The following TLN2 variants were observed in gnomAD, a reference collection of about 807,000 sequenced individuals.
TLN2 encodes the protein talin 2.
A neutral mutation model predicts 294.7 loss-of-function variants in TLN2; 118 were observed. The ratio of observed to expected loss-of-function variants is 0.40; its 90% CI spans 0.34 to 0.47. The LOEUF (loss-of-function observed/expected upper bound fraction) is 0.47. TLN2 is among the 20% of genes least tolerant of loss of function. The pLI, the probability that TLN2 is intolerant of heterozygous loss-of-function variation, is 0.84. For synonymous variants in TLN2, 1,431 were observed against 1,304.5 expected, an observed-to-expected ratio of 1.10 and a Z score of -2.09; for missense variants, 3,083 against 3,282.2, an observed-to-expected ratio of 0.94 and a Z score of 1.48.
intron 3 of TLN2, among the ~76,000 whole-genome samples, chr15:62,639,414 A>G (rs1227461158): frequency 2.6e-5 from 4 of 152,136 alleles, no homozygotes; most frequent in African/African-American, 9.7e-5. Context: ...CTAAGTTCAC[A>G]CTTGTGGGGG....
rs113241981 is a variant in TLN2, at chr15:62,698,595, G to C, written c.1474-159G>C. Among the ~76,000 whole-genome samples, 664 of 152,292 alleles carry C rather than the reference G, an allele frequency of 4.4e-3. 9 individuals carry two copies. Among genetic ancestry groups the C allele is most frequent in the African/African-American group, 0.014 (573 of 41,548 alleles). On this transcript the variant is annotated intron_variant, in intron 15 of 58. Coordinates refer to ENST00000636159, the MANE Select transcript of TLN2 (RefSeq NM_015059.3). ...TAATATAATGCAGTATCTATTTCTGGCCTCCAGGTTGAAATGGGAGATGGT... is the reference window on the plus strand; with the variant it reads ...TAATATAATGCAGTATCTATTTCTGCCCTCCAGGTTGAAATGGGAGATGGT...
chr15:62,713,449 T>C (rs2059559275), intron 22 of TLN2, among the ~76,000 whole-genome samples: 1 of 151,554 alleles, frequency 6.6e-6, no homozygotes, highest in South Asian at 2.1e-4. Context: ...GAGGCCGAGG[T>C]GGGCGGATTA....
chr15:62,614,570 ACTT>A (rs1185503833), intron 2 of TLN2, among the ~76,000 whole-genome samples: 1 of 151,940 alleles, frequency 6.6e-6, no homozygotes, highest in African/African-American at 2.4e-5. Context: ...AAGAACATTC[ACTT>A]CTTCGTTGTA....
intron 1 of TLN2, among the ~76,000 whole-genome samples, chr15:62,511,884 C>T (rs1481637290): frequency 6.6e-6 from 1 of 152,148 alleles, no homozygotes; most frequent in Non-Finnish European, 1.5e-5. Flanking sequence ...ATGATCTCTT[C>T]TGGGTGTTTT....
chr15:62,472,125 G>A (rs956028983), intron 1 of TLN2, among the ~76,000 whole-genome samples: 2 of 152,042 alleles, frequency 1.3e-5, no homozygotes, highest in Non-Finnish European at 2.9e-5. Flanking sequence ...CCATGAGTCA[G>A]TCCCAAGGAC....
chr15:62,731,055 T>G (rs2140942723), intron 28 of TLN2, among the ~76,000 whole-genome samples: 1 of 152,320 alleles, frequency 6.6e-6, no homozygotes, highest in Non-Finnish European at 1.5e-5. Flanking sequence ...TTCCTCTCTT[T>G]AGCGGTGTCT....
chr15:62,729,713 A>G (rs1186279908), intron 28 of TLN2, among the ~76,000 whole-genome samples: 2 of 151,908 alleles, frequency 1.3e-5, no homozygotes, highest in Non-Finnish European at 2.9e-5. Context: ...TTTTTCTTTC[A>G]ATTGGAGTAT....
chr15:62,416,096 T>A (rs1047369752), intron 1 of TLN2, among the ~76,000 whole-genome samples: 4 of 152,120 alleles, frequency 2.6e-5, no homozygotes, highest in Admixed American at 1.3e-4. Flanking sequence ...CTCAGGAGTC[T>A]GAGACCACCC....
chr15:62,838,827 A>G (rs375993073), intron 57 of TLN2, 29 bp from the exon 58 acceptor site: 2 of 1,605,284 alleles, frequency 1.2e-6, no homozygotes, highest in African/African-American at 1.4e-5. Context: ...GTTTCTAATG[A>G]TATAATGTAT....
intron 51 of TLN2, among the ~76,000 whole-genome samples, 170 bp from the exon 52 acceptor site, chr15:62,809,755 G>A (rs1391504292): frequency 1.3e-5 from 2 of 152,230 alleles, no homozygotes; most frequent in Non-Finnish European, 2.9e-5. Flanking sequence ...GGCCTGCTGT[G>A]GGCAGGTGGG....
At chr15:62,787,739 C>A (rs1000766875) in intron 45 of TLN2, among the ~76,000 whole-genome samples, 3 of 130,094 alleles carry the variant, frequency 2.3e-5, no homozygotes, top group African/African-American at 8.8e-5. Flanking sequence ...GTCGCCCAGG[C>A]TGGAGTACAA....
intron 16 of TLN2, among the ~76,000 whole-genome samples, chr15:62,699,906 T>A (rs2058608538): frequency 6.6e-6 from 1 of 152,208 alleles, no homozygotes; most frequent in African/African-American, 2.4e-5. Context: ...TAATGGCCAG[T>A]CAGGGTTGAC....
At chr15:62,783,421 G>A (rs189645285) in intron 44 of TLN2, among the ~76,000 whole-genome samples, 38 of 152,330 alleles carry the variant, frequency 2.5e-4, no homozygotes, top group African/African-American at 8.7e-4. Context: ...CCAGGGCTGC[G>A]CTGGCGAGGG....
chr15:62,824,430 A>T (rs991404455), intron 54 of TLN2, among the ~76,000 whole-genome samples: 3 of 152,212 alleles, frequency 2.0e-5, no homozygotes, highest in Admixed American at 6.5e-5. Flanking sequence ...TTAGAAGTTC[A>T]TGTCAGGGTT....
Position 62,741,933 on chromosome 15 carries a change from C to G in TLN2, c.4025+1164C>G, listed in dbSNP as rs142785429. On this transcript the variant is annotated intron_variant, in intron 32 of 58. Coordinates refer to ENST00000636159, the MANE Select transcript of TLN2 (RefSeq NM_015059.3). ...TGCAAAGTGGGGGTATGAACTACAT[C>G]ATCCTTAAAGCTCTCCTTAGCTCTC... Among the ~76,000 whole-genome samples, 328 of 151,082 alleles carry G rather than the reference C, an allele frequency of 2.2e-3. 3 individuals carry two copies. Among genetic ancestry groups the G allele is most frequent in the African/African-American group, 7.4e-3 (305 of 41,138 alleles).
chr15:62,746,642 C>A (rs921189438), intron 32 of TLN2, among the ~76,000 whole-genome samples: 1 of 152,150 alleles, frequency 6.6e-6, no homozygotes, highest in South Asian at 2.1e-4. Flanking sequence ...GCTGCAAAGC[C>A]AATTTAACTA....
At chr15:62,504,844 T>TGAGAGAGA (rs1470373197) in intron 1 of TLN2, among the ~76,000 whole-genome samples, 8 of 142,040 alleles carry the variant, frequency 5.6e-5, no homozygotes, top group Admixed American at 1.4e-4. Context: ...TGTGTGTGTG[T>TGAGAGAGA]GTGAGAGAGA....
chr15:62,686,394 C>A (rs1424210023), intron 11 of TLN2, among the ~76,000 whole-genome samples: 1 of 152,202 alleles, frequency 6.6e-6, no homozygotes, highest in African/African-American at 2.4e-5. Context: ...GTTTTTGGAG[C>A]AAGCTGCTCT....
At chr15:62,725,783 A>T (rs1408318981) in intron 27 of TLN2, among the ~76,000 whole-genome samples, 1 of 152,164 alleles carries the variant, frequency 6.6e-6, no homozygotes, top group East Asian at 1.9e-4. Context: ...GTTCTGTCCA[A>T]TGTTATCTGC....
Sources: gnomAD v4.1 joint callset for allele counts (sites outside exome capture counted in the v4.1 genomes callset) on GRCh38, gnomAD v4.1.1 for gene constraint, MANE v1.5 for transcripts, NCBI Gene and HGNC (gene_info 2026-07-23, HGNC 2026-07-21) for gene names.